ETF1: variants seen among roughly 807,000 people sequenced by gnomAD.
The protein encoded by ETF1 is eukaryotic peptide chain release factor subunit 1.
In ETF1, 4 loss-of-function variants were observed where a neutral mutation model predicts 55.1. The observed-to-expected ratio is 0.07, with a 90% CI of 0.04 to 0.17. The LOEUF is 0.17. ETF1 is among the 10% of genes least tolerant of loss of function. The pLI, the probability that ETF1 is intolerant of heterozygous loss-of-function variation, is 1.00. For synonymous variants in ETF1, 157 were observed against 182.3 expected, an observed-to-expected ratio of 0.86 and a Z score of 1.12; for missense variants, 142 against 523.6, an observed-to-expected ratio of 0.27 and a Z score of 7.11.
chr5:138,510,583 A>G lies in ETF1; in HGVS notation c.1065T>C (p.Ser355=), dbSNP rs1321566315. Residue 355 remains serine, a synonymous_variant, in exon 9 of 11, where the codon TCT becomes TCC. Transcript: ENST00000360541. ...CACATACCTCTTTGTCTGTGAAATG[A>G]GATTTATCCTTTTCTTGCTCTGGAG... ...YLTPEQEKDK[S]HFTDKETGQE... is the part of the protein sequence containing the mutation. 2 of 1,610,796 alleles carry G rather than the reference A, an allele frequency of 1.2e-6. No individual in the cohort carries two copies. The highest frequency in any genetic ancestry group is 3.3e-5 in the Admixed American group (2 of 59,982).
At chr5:138,509,073 A>T in intron 9 of ETF1, 1 of 985,390 alleles carries the variant, frequency 1.0e-6, no homozygotes, top group Non-Finnish European at 1.2e-6. Flanking sequence ...CTCAGTGGGT[A>T]TTCAGCTTAT....
intron 2 of ETF1, among the ~76,000 whole-genome samples, chr5:138,535,125 A>G (rs1765865210): frequency 6.6e-6 from 1 of 151,066 alleles, no homozygotes; most frequent in Admixed American, 6.8e-5. Flanking sequence ...TAATTTTTTT[A>G]TTTTTAGTAG....
chr5:138,539,245 C>CT (rs1206642572), intron 2 of ETF1, among the ~76,000 whole-genome samples: 1 of 152,186 alleles, frequency 6.6e-6, no homozygotes, highest in African/African-American at 2.4e-5. Flanking sequence ...AGCACAGGCT[C>CT]TAGTTATGAT....
Position 138,542,898 on chromosome 5 carries a change from A to T in ETF1, c.21T>A (p.Ala7=). The stretch of plus-strand genomic sequence containing the variant: ...TCCAGATCTCCACGTTCCTGTCGGC[A>T]GCACTGGGGTCGTCCGCCATCTTCT... MADDPS[A]ADRNVEIWKI... Residue 7 remains alanine (A), a synonymous_variant, in exon 2 of 11, where the codon GCT becomes GCA. Transcript: ENST00000360541. 4.3e-6 allele frequency: 7 copies of T among 1,613,696 alleles called. No individual in the cohort carries two copies. Among genetic ancestry groups the T allele is most frequent in the Non-Finnish European group, 5.9e-6 (7 of 1,179,892 alleles).
intron 2 of ETF1, among the ~76,000 whole-genome samples, chr5:138,521,770 TC>T (rs1349011599): frequency 6.6e-6 from 1 of 152,146 alleles, no homozygotes; most frequent in Non-Finnish European, 1.5e-5. Flanking sequence ...CCTCAGGTGA[TC>T]CCCCTGCCTC....
chr5:138,514,720 A>G (rs1764946459), intron 4 of ETF1, among the ~76,000 whole-genome samples: 1 of 151,932 alleles, frequency 6.6e-6, no homozygotes, highest in Non-Finnish European at 1.5e-5. Context: ...ATGAGCCAGC[A>G]TGTCTTTAAA....
chr5:138,524,761 AGAGATGGG>A (rs1347860636), intron 2 of ETF1, among the ~76,000 whole-genome samples: 1 of 151,762 alleles, frequency 6.6e-6, no homozygotes, highest in Non-Finnish European at 1.5e-5. Context: ...TATTTTTAGT[AGAGATGGG>A]GTTTCACCAT....
intron 2 of ETF1, among the ~76,000 whole-genome samples, chr5:138,519,867 T>C (rs1209456183): frequency 2.6e-5 from 4 of 151,914 alleles, no homozygotes; most frequent in Non-Finnish European, 5.9e-5. Context: ...TTTTTAATAA[T>C]AACAATGCTG....
chr5:138,541,887 AAAAG>A (rs1411861404), intron 2 of ETF1, among the ~76,000 whole-genome samples: 1 of 152,196 alleles, frequency 6.6e-6, no homozygotes, highest in African/African-American at 2.4e-5. Flanking sequence ...CGTTAAAAAA[AAAAG>A]AAAACACACA....
At chr5:138,534,356 C>T (rs1765827102) in intron 2 of ETF1, among the ~76,000 whole-genome samples, 1 of 152,094 alleles carries the variant, frequency 6.6e-6, no homozygotes, top group Non-Finnish European at 1.5e-5. Flanking sequence ...AATATTCCAC[C>T]AGGAAGCAGC....
intron 2 of ETF1, among the ~76,000 whole-genome samples, chr5:138,525,655 G>A (rs1207323116): frequency 2.0e-5 from 3 of 151,976 alleles, no homozygotes; most frequent in Admixed American, 2.0e-4. Context: ...AAAAAATGCA[G>A]TATCACCTGG....
chr5:138,519,088 G>A (rs1765132302), intron 2 of ETF1: 4 of 984,686 alleles, frequency 4.1e-6, no homozygotes, highest in African/African-American at 1.7e-5. Flanking sequence ...GAATAGTGAG[G>A]TAAGTTATGT....
At chr5:138,516,696 AACAG>A (rs1236980176) in intron 4 of ETF1, among the ~76,000 whole-genome samples, 5 of 152,228 alleles carry the variant, frequency 3.3e-5, no homozygotes, top group Non-Finnish European at 5.9e-5. Context: ...ACTTTTTGAA[AACAG>A]ACAGCTTTGT....
At chr5:138,523,994 T>C (rs1245284069) in intron 2 of ETF1, among the ~76,000 whole-genome samples, 1 of 152,088 alleles carries the variant, frequency 6.6e-6, no homozygotes, top group Non-Finnish European at 1.5e-5. Context: ...CTAGCCACTA[T>C]GGTGAAACCT....
At chr5:138,520,733 T>C (rs1765199991) in intron 2 of ETF1, among the ~76,000 whole-genome samples, 1 of 152,056 alleles carries the variant, frequency 6.6e-6, no homozygotes, top group Non-Finnish European at 1.5e-5. Context: ...GGCAGGAATA[T>C]CACTCAAGCC....
chr5:138,517,780 TA>T, intron 3 of ETF1, 80 bp from the exon 4 acceptor site: 1 of 1,336,316 alleles, frequency 7.5e-7, no homozygotes, highest in Non-Finnish European at 9.7e-7. Context: ...TCCCATAGCC[TA>T]TTTTCCCTGC....
intron 2 of ETF1, among the ~76,000 whole-genome samples, chr5:138,527,367 C>A (rs1765516771): frequency 6.6e-6 from 1 of 152,214 alleles, no homozygotes; most frequent in Non-Finnish European, 1.5e-5. Flanking sequence ...GCTGCCACCC[C>A]TTGGATAGGG....
intron 4 of ETF1, among the ~76,000 whole-genome samples, chr5:138,516,493 A>G (rs1285671031): frequency 6.6e-6 from 1 of 152,168 alleles, no homozygotes; most frequent in Non-Finnish European, 1.5e-5. Flanking sequence ...ACAAAAAATT[A>G]GCCAGGCATG....
In ETF1 at chr5:138,515,513, A is replaced by G. The variant is rs187951903; in HGVS notation, c.403-1807T>C. On this transcript the variant is annotated intron_variant, in intron 4 of 10. Transcript: ENST00000360541. ...CTTATCAAAATGACCCGTTAGGTAG[A>G]TTGAAGTTTTTAATAAATCTGCTTA... 8.8e-4 allele frequency among the ~76,000 whole-genome samples: 134 copies of G among 152,388 alleles called. 1 individual carries two copies. Among genetic ancestry groups the G allele is most frequent in the African/African-American group, 3.1e-3 (128 of 41,596 alleles).
Sources: gnomAD v4.1 joint callset for allele counts (sites outside exome capture counted in the v4.1 genomes callset) on GRCh38, gnomAD v4.1.1 for gene constraint, MANE v1.5 for transcripts, NCBI Gene and HGNC (gene_info 2026-07-23, HGNC 2026-07-21) for gene names.